ADGRB1: variants seen among roughly 807,000 people sequenced by gnomAD.
ADGRB1 encodes the protein adhesion G protein-coupled receptor B1, also known as brain-specific angiogenesis inhibitor 1.
Under a neutral mutation model 175.7 loss-of-function variants are expected in ADGRB1, and 36 were observed. The ratio of observed to expected loss-of-function variants is 0.20; its 90% CI spans 0.16 to 0.27. The LOEUF (loss-of-function observed/expected upper bound fraction) is 0.27. Ranked by LOEUF, ADGRB1 falls within the 10% of genes least tolerant of loss-of-function variation. ADGRB1 has a pLI of 1.00. For synonymous variants in ADGRB1, 1,054 were observed against 979.4 expected, an observed-to-expected ratio of 1.08 and a Z score of -1.42; for missense variants, 1,731 against 2,255.3, an observed-to-expected ratio of 0.77 and a Z score of 4.71.
chr8:142,523,244 T>A (rs1213152549), intron 22 of ADGRB1, among the ~76,000 whole-genome samples: 1 of 151,960 alleles, frequency 6.6e-6, no homozygotes, highest in Non-Finnish European at 1.5e-5. Context: ...CTAGAGGCAG[T>A]ATGGTTCACC....
intron 17 of ADGRB1, among the ~76,000 whole-genome samples, chr8:142,499,693 G>A (rs1231057306): frequency 6.6e-6 from 1 of 152,220 alleles, no homozygotes; most frequent in Non-Finnish European, 1.5e-5. Flanking sequence ...GGGGCCCCTT[G>A]CCTGCGTCCC....
At chr8:142,480,769 G>C (rs1174113601) in intron 9 of ADGRB1, among the ~76,000 whole-genome samples, 1 of 152,228 alleles carries the variant, frequency 6.6e-6, no homozygotes, top group African/African-American at 2.4e-5. Context: ...CTGGGAGTGA[G>C]CTCTGTATCA....
intron 13 of ADGRB1, among the ~76,000 whole-genome samples, chr8:142,486,465 C>A (rs528337082): frequency 5.9e-5 from 9 of 152,316 alleles, no homozygotes; most frequent in Non-Finnish European, 1.2e-4. Context: ...TTTCAATATT[C>A]ATCTCGGCAC....
chr8:142,542,787 C>T lies in ADGRB1; in HGVS notation c.4413+140C>T. ...TCCTAGCTACACCCCCCACCCCTGG[C>T]CCTGCTGGGTGTGCTGTGTATGTCT... On this transcript the variant is annotated intron_variant, in intron 28 of 30. Transcript: ENST00000517894. The surrounding 1 kb of genome is among the most constrained non-coding windows in gnomAD (Gnocchi z 6.3). The T allele has an allele frequency of 5.1e-6, 4 of 781,556 alleles. No homozygotes were observed. The highest frequency in any genetic ancestry group is 5.8e-6 in the Non-Finnish European group (3 of 514,984). 48.4% of individuals were successfully genotyped at this position (781,556 alleles called of 1,614,324 possible).
intron 24 of ADGRB1, among the ~76,000 whole-genome samples, chr8:142,529,725 A>T (rs1340143929): frequency 6.8e-6 from 1 of 147,992 alleles, no homozygotes; most frequent in East Asian, 2.0e-4. Flanking sequence ...TATGTGTGTG[A>T]GTGCAACCCA....
chr8:142,536,452 C>T lies in ADGRB1; in HGVS notation c.3571-535C>T, dbSNP rs187009264. Among the ~76,000 whole-genome samples the T allele has an allele frequency of 4.6e-3, 695 of 152,288 alleles. 1 individual carries two copies. The highest frequency in any genetic ancestry group is 7.7e-3 in the Non-Finnish European group (526 of 68,014). On this transcript the variant is annotated intron_variant, in intron 25 of 30. Coordinates refer to ENST00000517894, the MANE Select transcript of ADGRB1 (RefSeq NM_001702.3). ...AGTCTGCTGCCGTCCTCACCACTGT[C>T]CCCCCTGAAGAGTGGGTGGCCATGA...
Position 142,510,780 on chromosome 8 carries a change from G to A in ADGRB1, c.2676-152G>A, listed in dbSNP as rs1256989326. On this transcript the variant is annotated intron_variant, in intron 17 of 30. Coordinates refer to ENST00000517894, the MANE Select transcript of ADGRB1 (RefSeq NM_001702.3). This position sits in a 1 kb window ranked among gnomAD's most constrained non-coding sequence, Gnocchi z 6.3. ...GGGCCGCGGGGCCTGGCGGCGGCGG[G>A]CGGACGGGCGCGCGGCTGCGGGCGC... Among the ~76,000 whole-genome samples the A allele has an allele frequency of 1.4e-5, 2 of 145,544 alleles. No individual in the cohort carries two copies. Among genetic ancestry groups the A allele is most frequent in the Non-Finnish European group, 3.0e-5 (2 of 65,584 alleles).
chr8:142,481,161 G>A, intron 9 of ADGRB1, 93 bp from the exon 10 acceptor site: 1 of 1,180,126 alleles, frequency 8.5e-7, no homozygotes, highest in Non-Finnish European at 1.3e-6. Context: ...GGGGCCACAG[G>A]GTCCCTTCCA....
intron 18 of ADGRB1, among the ~76,000 whole-genome samples, chr8:142,513,003 C>T (rs562150478): frequency 6.6e-6 from 1 of 151,994 alleles, no homozygotes; most frequent in African/African-American, 2.4e-5. Flanking sequence ...GATACACAGT[C>T]CTGGGCCTTC....
intron 18 of ADGRB1, among the ~76,000 whole-genome samples, chr8:142,514,238 T>C (rs1037472813): frequency 6.9e-6 from 1 of 145,656 alleles, no homozygotes; most frequent in Admixed American, 6.8e-5. Context: ...TAGAGGCGGG[T>C]ACGTGGGCAC....
At position 142,509,306 on chromosome 8, in the gene ADGRB1, C is replaced by T. The variant is rs537239461; in HGVS notation, c.2676-1626C>T. ...TGCTTCCCTCTGGACACCCCCACCC[C>T]CATTTTAAAGATGAGGAGACTGAAG... On this transcript the variant is annotated intron_variant, in intron 17 of 30. Transcript: ENST00000517894. 2.6e-5 allele frequency among the ~76,000 whole-genome samples: 4 copies of T among 152,324 alleles called. No homozygotes were observed. The South Asian group carries it at 8.3e-4, about 32-fold the overall frequency.
At chr8:142,533,265 GGCGGCA>G (rs1296313500) in intron 24 of ADGRB1, 24 bp from the exon 25 acceptor site, 1 of 1,474,594 alleles carries the variant, frequency 6.8e-7, no homozygotes, top group South Asian at 1.3e-5. Flanking sequence ...CAGGGGCGGG[GGCGGCA>G]GCGCTGACAC....
chr8:142,522,689 A>G lies in ADGRB1; in HGVS notation c.3224A>G (p.Lys1075Arg), dbSNP rs1184400239. The G allele has an allele frequency of 1.3e-6, 2 of 1,560,576 alleles. No individual in the cohort carries two copies. Among genetic ancestry groups the G allele is most frequent in the Admixed American group, 4.0e-5 (2 of 49,836 alleles). The change falls in exon 22 of 31, where the codon AAA (lysine) becomes AGA (arginine). Residue 1075 changes from lysine to arginine, a missense_variant. Lys to Arg is a conservative substitution (Grantham distance 26). This residue lies in a region of ADGRB1 where 301 missense variants were observed against 488.4 expected (regional missense o/e 0.62). Transcript: ENST00000517894. ...VAISVGFTKA[K>R]GYSTMNYCWL... ...ATTTCTGTGGGATTCACCAAGGCCA[A>G]AGGGTACAGCACCATGAACTAGTGA...
chr8:142,489,469 C>T, intron 16 of ADGRB1, 31 bp downstream of exon 16: 2 of 1,599,458 alleles, frequency 1.3e-6, no homozygotes, highest in Admixed American at 1.7e-5. Flanking sequence ...CACTCTGATG[C>T]CAGCAGAAAC....
intron 11 of ADGRB1, among the ~76,000 whole-genome samples, chr8:142,483,493 A>G (rs1225115901): frequency 2.3e-5 from 3 of 128,150 alleles, no homozygotes; most frequent in Non-Finnish European, 3.3e-5. Flanking sequence ...TACATGCTGA[A>G]CCCTGGCCCT....
Position 142,492,629 on chromosome 8 carries a change from C to T in ADGRB1, c.2675+1814C>T, listed in dbSNP as rs898971856. On this transcript the variant is annotated intron_variant, in intron 17 of 30. Transcript: ENST00000517894. The surrounding 1 kb of genome is among the most constrained non-coding windows in gnomAD (Gnocchi z 4.4). The stretch of plus-strand genomic sequence containing the variant: ...ACACCAGGCTCCTGCCTTCTCTGCA[C>T]CCCACATGGTGGACTCTGCTATGTT... Among the ~76,000 whole-genome samples the T allele has an allele frequency of 5.3e-5, 8 of 152,200 alleles. No homozygotes were observed. The highest frequency in any genetic ancestry group is 2.6e-4 in the Admixed American group (4 of 15,286).
chr8:142,500,223 C>T (rs1163287951), intron 17 of ADGRB1, among the ~76,000 whole-genome samples: 2 of 134,400 alleles, frequency 1.5e-5, no homozygotes, highest in Admixed American at 7.4e-5. Flanking sequence ...CTTCCCCCCG[C>T]GCCGCTCCTC....
At chr8:142,522,766 C>T (rs1174394811) in intron 22 of ADGRB1, 56 bp downstream of exon 22, 2 of 1,412,270 alleles carry the variant, frequency 1.4e-6, no homozygotes, top group Admixed American at 6.4e-5. Context: ...CAGAGACTTC[C>T]ACCGCCCTGG....
chr8:142,519,857 C>T (rs1172129411), intron 19 of ADGRB1, among the ~76,000 whole-genome samples: 2 of 86,270 alleles, frequency 2.3e-5, no homozygotes, highest in African/African-American at 4.9e-5. Context: ...TGGTAATGGT[C>T]GTGGTGATGG....
Sources: allele counts gnomAD v4.1 joint callset (sites outside exome capture counted in the v4.1 genomes callset), GRCh38; gene constraint gnomAD v4.1.1; regional missense constraint gnomAD v4.1.1; non-coding constraint Gnocchi (gnomAD v3.1); transcripts MANE v1.5; gene names NCBI Gene and HGNC (gene_info 2026-07-23, HGNC 2026-07-21).